PDE5A: variants seen among roughly 807,000 people sequenced by gnomAD.
PDE5A encodes phosphodiesterase 5A.
In PDE5A, 67 loss-of-function variants were observed where a neutral mutation model predicts 110.2. The observed-to-expected ratio is 0.61, with a 90% CI of 0.50 to 0.75. PDE5A has a LOEUF of 0.75. Among genes scored for constraint, PDE5A ranks in the 30% least tolerant of loss-of-function variants. The pLI, the probability that PDE5A is intolerant of heterozygous loss-of-function variation, is 0.00. For synonymous variants in PDE5A, 328 were observed against 351.2 expected (o/e 0.93, Z 0.74); for missense variants, 862 against 1,045.1 (o/e 0.82, Z 2.42).
At chr4:119,563,668 A>C (rs1727822543) in intron 5 of PDE5A, among the ~76,000 whole-genome samples, 1 of 152,176 alleles carries the variant, frequency 6.6e-6, no homozygotes. Flanking sequence ...AAGAGCACAG[A>C]CTATAAAGAG....
chr4:119,535,076 C>T (rs1726683388), intron 11 of PDE5A, among the ~76,000 whole-genome samples: 2 of 152,170 alleles, frequency 1.3e-5, no homozygotes, highest in Non-Finnish European at 1.5e-5. Context: ...CCGGGACTGA[C>T]CCACAGACCC....
chr4:119,501,465 G>GATT (rs1486617085), intron 19 of PDE5A, among the ~76,000 whole-genome samples: 1 of 152,042 alleles, frequency 6.6e-6, no homozygotes, highest in African/African-American at 2.4e-5. Flanking sequence ...ACGCCTGGCT[G>GATT]ATTTTTTATT....
chr4:119,518,838 A>G (rs1726008379), intron 14 of PDE5A, among the ~76,000 whole-genome samples: 1 of 152,236 alleles, frequency 6.6e-6, no homozygotes, highest in African/African-American at 2.4e-5. Context: ...ATGAAATAAG[A>G]TTCTCAACAT....
intron 1 of PDE5A, among the ~76,000 whole-genome samples, chr4:119,616,588 G>GTCAT (rs34202789): frequency 0.11 from 16,686 of 152,094 alleles, 1,067 homozygotes; most frequent in Non-Finnish European, 0.15. Flanking sequence ...CCTGTCAAGA[G>GTCAT]GATGATGTTA....
At chr4:119,544,727 T>G (rs1205655840) in intron 9 of PDE5A, among the ~76,000 whole-genome samples, 1 of 152,176 alleles carries the variant, frequency 6.6e-6, no homozygotes, top group Non-Finnish European at 1.5e-5. Context: ...ACAGAGGGGT[T>G]GAGATGTGAA....
intron 2 of PDE5A, among the ~76,000 whole-genome samples, chr4:119,601,985 C>G (rs13119104): frequency 0.97 from 147,969 of 152,224 alleles, 72,054 homozygotes; most frequent in East Asian, 1. Context: ...GGAGACTAAA[C>G]AGACATTACA....
intron 9 of PDE5A, among the ~76,000 whole-genome samples, chr4:119,544,307 G>C (rs1578760611): frequency 6.6e-6 from 1 of 152,114 alleles, no homozygotes; most frequent in East Asian, 1.9e-4. Flanking sequence ...TGCTGCAGAA[G>C]TTACTTTATC....
At chr4:119,610,915 C>T (rs916964355) in intron 1 of PDE5A, among the ~76,000 whole-genome samples, 1 of 152,162 alleles carries the variant, frequency 6.6e-6, no homozygotes, top group South Asian at 2.1e-4. Flanking sequence ...CTCCACACAG[C>T]AGCCACAGTA....
chr4:119,628,803 A>G lies in PDE5A; in HGVS notation c.-132T>C, dbSNP rs2110575754. 7.1e-7 allele frequency: 1 copy of G among 1,401,454 alleles called. No homozygotes were observed. Among genetic ancestry groups the G allele is most frequent in the Admixed American group, 2.0e-5 (1 of 50,692 alleles). 86.8% of individuals were successfully genotyped at this position (1,401,454 alleles called of 1,614,324 possible). A position where few individuals can be genotyped will look rare whatever the true frequency, so the allele number is the denominator to read the frequency against. ...CCTGCTCCAGTCGGGCCGGCTTTCG[A>G]CAAAGCGGCCGGAGCGCCAGGCCAG... On this transcript the variant is annotated 5_prime_UTR_variant, in exon 1 of 21. Coordinates refer to ENST00000354960, the MANE Select transcript of PDE5A (RefSeq NM_001083.4).
chr4:119,520,094 G>A (rs1459127490), intron 13 of PDE5A, among the ~76,000 whole-genome samples: 2 of 152,176 alleles, frequency 1.3e-5, no homozygotes, highest in East Asian at 3.9e-4. Flanking sequence ...CAACCTACAC[G>A]TGTTTGCTAA....
intron 4 of PDE5A, 114 bp from the exon 5 acceptor site, chr4:119,565,524 G>C (rs1361169082): frequency 1.4e-6 from 1 of 697,446 alleles, no homozygotes; most frequent in African/African-American, 1.8e-5. Flanking sequence ...ATAGATGTTT[G>C]TTCTACATAA....
At chr4:119,574,179 CT>C (rs70944893) in intron 3 of PDE5A, among the ~76,000 whole-genome samples, 26 of 89,200 alleles carry the variant, frequency 2.9e-4, no homozygotes, top group African/African-American at 9.2e-4. Flanking sequence ...AAAATATAGG[CT>C]TTTTTTTTTT....
chr4:119,501,249 A>G lies in PDE5A; in HGVS notation c.2411T>C (p.Leu804Pro). 3 of 1,591,020 alleles carry G rather than the reference A, an allele frequency of 1.9e-6. No homozygotes were observed. The highest frequency in any genetic ancestry group is 2.6e-6 in the Non-Finnish European group (3 of 1,159,236). ...RKELNIEPTD[L>P]MNREKKNKIP... Reference sequence around the variant, plus strand: ...TTTGTTTTTCTTCTCCCTGTTCATTAGATCCTGAAAATACAAATACAGACC... The same window carrying G: ...TTTGTTTTTCTTCTCCCTGTTCATTGGATCCTGAAAATACAAATACAGACC... Residue 804 changes from leucine (L) to proline (P), a missense_variant, in exon 20 of 21, where the codon CTA (leucine) becomes CCA (proline). Leu to Pro is a moderately conservative substitution (Grantham distance 98). Transcript: ENST00000354960.
intron 3 of PDE5A, among the ~76,000 whole-genome samples, chr4:119,575,678 T>G (rs952700964): frequency 1.2e-4 from 18 of 152,276 alleles, no homozygotes; most frequent in Admixed American, 1.1e-3. Context: ...CAAGACCTCC[T>G]GAAGGAAGCA....
At chr4:119,570,505 A>G (rs1031470833) in intron 3 of PDE5A, among the ~76,000 whole-genome samples, 1 of 152,194 alleles carries the variant, frequency 6.6e-6, no homozygotes, top group South Asian at 2.1e-4. Flanking sequence ...CACTATGCAC[A>G]GCACAAATGG....
chr4:119,533,039 G>A (rs1726601854), intron 11 of PDE5A, among the ~76,000 whole-genome samples: 2 of 152,124 alleles, frequency 1.3e-5, no homozygotes, highest in Admixed American at 1.3e-4. Context: ...TGGCAGTAAT[G>A]GAACTTGGTC....
intron 3 of PDE5A, among the ~76,000 whole-genome samples, chr4:119,585,811 A>G (rs112732861): frequency 5.9e-4 from 90 of 152,300 alleles, no homozygotes; most frequent in African/African-American, 1.9e-3. Flanking sequence ...AGACGAGGTT[A>G]TATAGAGCAC....
chr4:119,551,484 A>G (rs955213359), intron 9 of PDE5A, among the ~76,000 whole-genome samples: 2 of 152,204 alleles, frequency 1.3e-5, no homozygotes, highest in African/African-American at 4.8e-5. Context: ...ATAAGGATGC[A>G]TTCTAGGCAG....
At chr4:119,535,409 CCA>C (rs1726695878) in intron 11 of PDE5A, among the ~76,000 whole-genome samples, 1 of 152,094 alleles carries the variant, frequency 6.6e-6, no homozygotes, top group Admixed American at 6.6e-5. Flanking sequence ...TTGCATCTTT[CCA>C]CAGTTTTTCC....
Sources: allele counts gnomAD v4.1 joint callset (sites outside exome capture counted in the v4.1 genomes callset), GRCh38; gene constraint gnomAD v4.1.1; transcripts MANE v1.5; gene names NCBI Gene and HGNC (gene_info 2026-07-23, HGNC 2026-07-21).